Variants in PRR5 observed in about 807,000 individuals in gnomAD.
PRR5 encodes the protein proline rich 5.
In PRR5, 25 loss-of-function variants were observed where a neutral mutation model predicts 30.6. That is an observed-to-expected ratio of 0.82 (90% CI 0.60 to 1.14). PRR5 has a LOEUF of 1.14. Among genes scored for constraint, PRR5 ranks in the 50% most tolerant of loss-of-function variants. PRR5 has a pLI of 0.00. For synonymous variants in PRR5, 286 were observed against 247.1 expected (o/e 1.16, Z -1.48); for missense variants, 600 against 547.1 (o/e 1.10, Z -0.96).
intron 2 of PRR5, among the ~76,000 whole-genome samples, chr22:44,724,171 C>G (rs946947956): frequency 1.3e-5 from 2 of 152,210 alleles, no homozygotes; most frequent in South Asian, 2.1e-4. Flanking sequence ...TGTGGTGGCT[C>G]ATACCTGTAA....
In PRR5 at chr22:44,714,590, G is replaced by A. The variant is rs749735547; in HGVS notation, c.135-1G>A. On this transcript the variant is annotated splice_acceptor_variant, in intron 1 of 7. Transcript: ENST00000336985. LOFTEE classifies it high-confidence loss of function. The stretch of plus-strand genomic sequence containing the variant: ...CAGTGTTTTCTTCCCTCTGCCCCCA[G>A]CATCCACAACGGGGTGATCGCCGTC... The A allele has an allele frequency of 6.2e-7, 1 of 1,612,898 alleles. No homozygotes were observed. The highest frequency in any genetic ancestry group is 8.5e-7 in the Non-Finnish European group (1 of 1,179,966).
chr22:44,736,155 C>T (rs933688157), intron 7 of PRR5, among the ~76,000 whole-genome samples: 7 of 152,228 alleles, frequency 4.6e-5, no homozygotes, highest in African/African-American at 1.7e-4. Context: ...TGGGTCCCCA[C>T]GTCTACCCTC....
At position 44,688,466 on chromosome 22, in the gene PRR5, C is replaced by T. The variant is rs574985266; in HGVS notation, c.-11+11226C>T. 5.8e-4 allele frequency among the ~76,000 whole-genome samples: 89 copies of T among 152,286 alleles called. 3 individuals are homozygous for T. The South Asian group carries it at 0.017, about 29-fold the overall frequency. ...AGAGCATAATAGTTAAGAACACGGA[C>T]GCTATGACCAGACTGCTTAGGCTTG... On this transcript the variant is annotated intron_variant, in intron 1 of 8. Coordinates refer to the PRR5 transcript ENST00000006251.
chr22:44,679,694 G>T lies in PRR5; in HGVS notation c.-11+2454G>T, dbSNP rs1924087519. On this transcript the variant is annotated intron_variant, in intron 1 of 8. Transcript: ENST00000006251. ...GCACTCCAGCCTGGGCAACAAGAGC[G>T]AAACTCCATCTCAAAATAATAATAA... 1.6e-5 allele frequency: 17 copies of T among 1,084,616 alleles called. No individual in the cohort carries two copies. In the South Asian group the frequency reaches 2.8e-4, roughly 18 times the overall value. 67.2% of individuals were successfully genotyped at this position (1,084,616 alleles called of 1,614,324 possible).
chr22:44,719,714 C>CT (rs770996888), intron 2 of PRR5, among the ~76,000 whole-genome samples: 49 of 152,164 alleles, frequency 3.2e-4, no homozygotes, highest in Non-Finnish European at 6.6e-4. Context: ...AAGCGTGCAT[C>CT]TGAGTCCTCA....
intron 6 of PRR5, among the ~76,000 whole-genome samples, chr22:44,732,955 A>G (rs1006055871): frequency 1.4e-4 from 20 of 141,298 alleles, no homozygotes; most frequent in Non-Finnish European, 2.3e-4. Context: ...GTGCACACAT[A>G]CGCGTGCACA....
rs143320954 is a variant in PRR5, at chr22:44,737,231, G to A, written c.1151G>A (p.Arg384Gln). The change falls in exon 8 of 8, where the codon CGG becomes CAG. Residue 384 changes from arginine (R) to glutamine (Q), a missense_variant. Arg to Gln is a conservative substitution (Grantham distance 43). Transcript: ENST00000336985. ...GMSDLEGSGG[R>Q]QSVV is the part of the protein sequence containing the mutation. Reference sequence around the variant, plus strand: ...TCCGACTTGGAGGGCTCTGGGGGCCGGCAGAGTGTCGTGTGAGGCCTCACA... The same window carrying A: ...TCCGACTTGGAGGGCTCTGGGGGCCAGCAGAGTGTCGTGTGAGGCCTCACA... 219 of 1,602,792 alleles carry A rather than the reference G, an allele frequency of 1.4e-4. No individual in the cohort carries two copies. The African/African-American group carries it at 2.4e-3, about 17-fold the overall frequency.
chr22:44,697,559 G>A (rs77819565), upstream of PRR5, among the ~76,000 whole-genome samples: 2,403 of 152,318 alleles, frequency 0.016, 60 homozygotes, highest in African/African-American at 0.055. Flanking sequence ...CTTTTGGGTC[G>A]GCTTTGAGGG....
chr22:44,702,263 T>G lies in PRR5; in HGVS notation c.-212T>G. The G allele has an allele frequency of 8.8e-7, 1 of 1,141,038 alleles. No homozygotes were observed. The highest frequency in any genetic ancestry group is 1.1e-6 in the Non-Finnish European group (1 of 928,806). 70.7% of individuals were successfully genotyped at this position (1,141,038 alleles called of 1,614,324 possible). On this transcript the variant is annotated 5_prime_UTR_variant, in exon 1 of 8. Transcript: ENST00000336985. Reference sequence around the variant, plus strand: ...CGCCTGGCGCTCCACGCTGAGCCTCTCCGTGCAATGATTAACCCGGCGGGG... The same window carrying G: ...CGCCTGGCGCTCCACGCTGAGCCTCGCCGTGCAATGATTAACCCGGCGGGG...
intron 1 of PRR5, among the ~76,000 whole-genome samples, chr22:44,708,966 C>CAAAAAA (rs60854330): frequency 3.1e-5 from 2 of 64,420 alleles, no homozygotes; most frequent in African/African-American, 8.5e-5. Flanking sequence ...GACTCTGTCT[C>CAAAAAA]AAAAAAAAAA....
intron 2 of PRR5, among the ~76,000 whole-genome samples, chr22:44,714,964 G>A (rs1385803413): frequency 1.3e-5 from 2 of 152,240 alleles, no homozygotes; most frequent in African/African-American, 4.8e-5. Context: ...GTGGGACTTG[G>A]ACAGCCGCTG....
At chr22:44,672,733 G>A (rs1945593905), upstream of PRR5, among the ~76,000 whole-genome samples, 1 of 152,182 alleles carries the variant, frequency 6.6e-6, no homozygotes, top group South Asian at 2.1e-4. Flanking sequence ...CTCCTGTCCT[G>A]CCAGCCAGCC....
At chr22:44,726,379 C>T (rs551753973) in intron 3 of PRR5, among the ~76,000 whole-genome samples, 198 bp from the exon 4 acceptor site, 2 of 152,334 alleles carry the variant, frequency 1.3e-5, no homozygotes, top group South Asian at 4.1e-4. Context: ...CTCGTGACAA[C>T]CCGGGGTTGG....
chr22:44,702,339 C>A lies in PRR5; in HGVS notation c.-136C>A. 8.5e-7 allele frequency: 1 copy of A among 1,171,626 alleles called. No homozygotes were observed. Among genetic ancestry groups the A allele is most frequent in the Non-Finnish European group, 1.1e-6 (1 of 946,396 alleles). The allele number at this position is 1,171,626 out of a possible 1,614,324, so 72.6% of individuals were successfully genotyped here. On this transcript the variant is annotated 5_prime_UTR_variant, in exon 1 of 8. Coordinates refer to ENST00000336985, the MANE Select transcript of PRR5 (RefSeq NM_181333.4). ...GGCGCGGGGCCGGGGCGGGACCCCG[C>A]AGGACCGCTCGGCTTCCTGCTCTCG...
chr22:44,677,777 C>A (rs746831920), intron 1 of PRR5, among the ~76,000 whole-genome samples: 2 of 152,188 alleles, frequency 1.3e-5, no homozygotes, highest in Non-Finnish European at 2.9e-5. Flanking sequence ...CTTCACCTCT[C>A]TGAGCCTCGG....
intron 2 of PRR5, among the ~76,000 whole-genome samples, chr22:44,723,238 C>T (rs1930209052): frequency 6.6e-6 from 1 of 151,932 alleles, no homozygotes; most frequent in Non-Finnish European, 1.5e-5. Flanking sequence ...CCCACCTTGG[C>T]CTCCCAAAGT....
At chr22:44,727,456 C>T (rs1476034753) in intron 4 of PRR5, among the ~76,000 whole-genome samples, 1 of 152,190 alleles carries the variant, frequency 6.6e-6, no homozygotes, top group Non-Finnish European at 1.5e-5. Context: ...CGGGTGTGTG[C>T]GTCCCTCCGT....
At chr22:44,689,710 G>A (rs936165432) in intron 1 of PRR5, among the ~76,000 whole-genome samples, 6 of 152,188 alleles carry the variant, frequency 3.9e-5, no homozygotes, top group Non-Finnish European at 8.8e-5. Context: ...GTGCAGTGGC[G>A]TGATCTCGGC....
intron 1 of PRR5, among the ~76,000 whole-genome samples, chr22:44,713,174 G>T (rs1442124386): frequency 6.6e-6 from 1 of 152,182 alleles, no homozygotes; most frequent in Non-Finnish European, 1.5e-5. Flanking sequence ...GTGCCTGCTG[G>T]GCAAAGCCCT....
Sources: allele counts gnomAD v4.1 joint callset (sites outside exome capture counted in the v4.1 genomes callset), GRCh38; gene constraint gnomAD v4.1.1; transcripts MANE v1.5; gene names NCBI Gene and HGNC (gene_info 2026-07-23, HGNC 2026-07-21).